MRPS22: variants seen among roughly 807,000 people sequenced by gnomAD.
MRPS22 encodes the protein small ribosomal subunit protein mS22.
Under a neutral mutation model 44.0 loss-of-function variants are expected in MRPS22, and 30 were observed. That is an observed-to-expected ratio of 0.68 (90% CI 0.51 to 0.93). MRPS22 has a LOEUF of 0.93. Ranked by LOEUF, MRPS22 falls within the 40% of genes least tolerant of loss-of-function variation. The probability of loss-of-function intolerance (pLI) is 0.00; values close to 1 mark genes in which losing one functional copy is unlikely to be tolerated. For missense variants in MRPS22, 447 were observed against 447.8 expected (o/e 1.00, Z 0.02); for synonymous variants, 165 against 154.4 (o/e 1.07, Z -0.51).
Position 139,357,092 on chromosome 3 carries a change from T to C in MRPS22, c.*78T>C. On this transcript the variant is annotated 3_prime_UTR_variant, in exon 8 of 8. Coordinates refer to ENST00000680020, the MANE Select transcript of MRPS22 (RefSeq NM_020191.4). The stretch of plus-strand genomic sequence containing the variant: ...TAATATTGAGCTAAATGTTAAAAAA[T>C]GGCCAGATTAAAAGATATCAATTTG... The C allele has an allele frequency of 3.2e-6, 4 of 1,257,468 alleles. No individual in the cohort carries two copies. Among genetic ancestry groups the C allele is most frequent in the Non-Finnish European group, 4.5e-6 (4 of 882,132 alleles). 77.9% of individuals were successfully genotyped at this position (1,257,468 alleles called of 1,614,324 possible).
At chr3:139,355,391 C>T (rs574531388) in intron 6 of MRPS22, among the ~76,000 whole-genome samples, 1 of 152,260 alleles carries the variant, frequency 6.6e-6, no homozygotes, top group Admixed American at 6.5e-5. Flanking sequence ...AGAAATGGTG[C>T]TCTTTTTCCA....
At chr3:139,355,523 A>C in intron 6 of MRPS22, 159 bp from the exon 7 acceptor site, 1 of 690,440 alleles carries the variant, frequency 1.4e-6, no homozygotes, top group Non-Finnish European at 2.6e-6. Flanking sequence ...ATTTTCCTGA[A>C]AATGCTTTTG....
chr3:139,347,790 A>G (rs1386191853), intron 2 of MRPS22, among the ~76,000 whole-genome samples: 1 of 152,220 alleles, frequency 6.6e-6, no homozygotes, highest in East Asian at 1.9e-4. Context: ...CACCTAACTC[A>G]TAAGGTAATT....
chr3:139,354,101 C>T (rs1941200919), intron 6 of MRPS22, among the ~76,000 whole-genome samples: 1 of 152,152 alleles, frequency 6.6e-6, no homozygotes, highest in Non-Finnish European at 1.5e-5. Context: ...AAAGGCCCTC[C>T]TGTGGTCATT....
At chr3:139,350,449 T>A in intron 4 of MRPS22, 127 bp downstream of exon 4, 1 of 1,121,176 alleles carries the variant, frequency 8.9e-7, no homozygotes, top group South Asian at 1.4e-5. Flanking sequence ...TTTTTTGAAA[T>A]GGAGTTTCGC....
chr3:139,348,450 C>A (rs893194504), intron 3 of MRPS22, 126 bp downstream of exon 3: 2 of 916,932 alleles, frequency 2.2e-6, no homozygotes, highest in Non-Finnish European at 3.5e-6. Context: ...TGGGTGAGAC[C>A]CTTCTGGAAG....
At chr3:139,353,919 T>TA (rs1941197411) in intron 6 of MRPS22, among the ~76,000 whole-genome samples, 1 of 152,210 alleles carries the variant, frequency 6.6e-6, no homozygotes, top group Non-Finnish European at 1.5e-5. Flanking sequence ...AGTATGTTCT[T>TA]ACAAAAAATT....
At chr3:139,356,200 A>G (rs1941256578) in intron 7 of MRPS22, among the ~76,000 whole-genome samples, 1 of 152,188 alleles carries the variant, frequency 6.6e-6, no homozygotes, top group Non-Finnish European at 1.5e-5. Context: ...ATCGGGGGAA[A>G]TGGGCATGTG....
intron 4 of MRPS22, chr3:139,350,688 C>G (rs542183875): frequency 2.3e-6 from 1 of 443,280 alleles, no homozygotes; most frequent in Admixed American, 3.5e-5. Context: ...CCCCGCAATC[C>G]GACTCCCAAA....
At chr3:139,355,826 G>T in intron 7 of MRPS22, 36 bp downstream of exon 7, 1 of 1,511,212 alleles carries the variant, frequency 6.6e-7, no homozygotes, top group South Asian at 1.1e-5. Context: ...GTTTTGTGGT[G>T]GTAATTGAGC....
intron 3 of MRPS22, 25 bp from the exon 4 acceptor site, chr3:139,350,154 C>G (rs375053068): frequency 6.2e-7 from 1 of 1,613,906 alleles, no homozygotes. Flanking sequence ...ACAAACGCAT[C>G]CTTGATTATG....
chr3:139,348,084 A>T, intron 2 of MRPS22, 76 bp from the exon 3 acceptor site: 1 of 1,466,596 alleles, frequency 6.8e-7, no homozygotes, highest in Non-Finnish European at 9.4e-7. Context: ...ATTTTTTATT[A>T]GTATGTGCTT....
chr3:139,353,608 G>C (rs1055029513), intron 6 of MRPS22, among the ~76,000 whole-genome samples: 5 of 152,180 alleles, frequency 3.3e-5, no homozygotes, highest in African/African-American at 7.2e-5. Flanking sequence ...ATGTGGAACT[G>C]AAAGTTCCAC....
At position 139,344,205 on chromosome 3, in the gene MRPS22, G is replaced by T. The variant is rs777163637; in HGVS notation, c.172+7G>T. The T allele has an allele frequency of 4.9e-5, 78 of 1,600,418 alleles. No individual in the cohort carries two copies. The highest frequency in any genetic ancestry group is 1.9e-4 in the Middle Eastern group (1 of 5,186). ...CGGTTCAGCTCCGAGGCCGGTAAGT[G>T]ACCTTCCGGACTTTCGCTGGGGCGT... On this transcript the variant is annotated splice_region_variant and intron_variant, in intron 1 of 7. Transcript: ENST00000680020.
rs897352288 is a variant in MRPS22 at position 139,349,205 on chromosome 3, G to T, written c.504+881G>T. The stretch of plus-strand genomic sequence containing the variant: ...TTTGCAGTGCTGTGCATGTTGGTTG[G>T]GAAGCATTTTGTAACTTGAAAAGGA... On this transcript the variant is annotated intron_variant, in intron 3 of 7. Coordinates refer to ENST00000680020, the MANE Select transcript of MRPS22 (RefSeq NM_020191.4). 7 of 408,802 alleles carry T rather than the reference G, an allele frequency of 1.7e-5. No homozygotes were observed. The Admixed American group carries it at 1.9e-4, about 11-fold the overall frequency. 25.3% of individuals were successfully genotyped at this position (408,802 alleles called of 1,614,324 possible).
chr3:139,349,951 T>G (rs758727826), intron 3 of MRPS22, among the ~76,000 whole-genome samples: 1 of 152,228 alleles, frequency 6.6e-6, no homozygotes, highest in Non-Finnish European at 1.5e-5. Context: ...TGGTACTTAC[T>G]GAATACTTTC....
intron 6 of MRPS22, 46 bp downstream of exon 6, chr3:139,352,838 A>C: frequency 6.3e-7 from 1 of 1,583,122 alleles, no homozygotes; most frequent in Non-Finnish European, 8.7e-7. Context: ...TATTGCTCTA[A>C]CAGTTCATCT....
chr3:139,357,053 C>A lies in MRPS22; in HGVS notation c.*39C>A. On this transcript the variant is annotated 3_prime_UTR_variant, in exon 8 of 8. Coordinates refer to ENST00000680020, the MANE Select transcript of MRPS22 (RefSeq NM_020191.4). ...ATACATTTATTTTACTAAATACTGA[C>A]TACATTTCTCTGTTAATATTGAGCT... The A allele has an allele frequency of 7.0e-7, 1 of 1,418,964 alleles. No homozygotes were observed. The highest frequency in any genetic ancestry group is 9.9e-7 in the Non-Finnish European group (1 of 1,014,282). 87.9% of individuals were successfully genotyped at this position (1,418,964 alleles called of 1,614,324 possible). A position where few individuals can be genotyped will look rare whatever the true frequency, so the allele number is the denominator to read the frequency against.
chr3:139,350,738 CTTCT>C, intron 4 of MRPS22: 3 of 538,830 alleles, frequency 5.6e-6, no homozygotes, highest in Non-Finnish European at 1.0e-5. Flanking sequence ...GCCTGGCCGA[CTTCT>C]TTCTTAATAG....
Sources: gnomAD v4.1 joint callset for allele counts (sites outside exome capture counted in the v4.1 genomes callset) on GRCh38, gnomAD v4.1.1 for gene constraint, MANE v1.5 for transcripts, NCBI Gene and HGNC (gene_info 2026-07-23, HGNC 2026-07-21) for gene names.